CREB5: variants seen among roughly 807,000 people sequenced by gnomAD.
CREB5 encodes the protein cAMP responsive element binding protein 5, also known as cyclic AMP-responsive element-binding protein 5.
A neutral mutation model predicts 57.1 loss-of-function variants in CREB5; 19 were observed. The ratio of observed to expected loss-of-function variants is 0.33; its 90% CI spans 0.23 to 0.49. The LOEUF is 0.49. CREB5 is among the 20% of genes least tolerant of loss of function. The pLI is 0.99. For missense variants in CREB5, 579 were observed against 671.6 expected (o/e 0.86, Z 1.52); for synonymous variants, 238 against 238.3 (o/e 1.00, Z 0.01).
At chr7:28,734,156 GCACTTTAGTA>G (rs1803827854) in intron 7 of CREB5, among the ~76,000 whole-genome samples, 1 of 132,718 alleles carries the variant, frequency 7.5e-6, no homozygotes, top group African/African-American at 2.9e-5. Flanking sequence ...AAATGCTTTA[GCACTTTAGTA>G]CTGAAATCCC....
chr7:28,780,484 G>A (rs917352533), intron 7 of CREB5, among the ~76,000 whole-genome samples: 5 of 152,192 alleles, frequency 3.3e-5, no homozygotes, highest in Non-Finnish European at 7.3e-5. Context: ...CACTTCGGGA[G>A]ACTGAGGCAG....
intron 5 of CREB5, among the ~76,000 whole-genome samples, chr7:28,665,129 T>C (rs1799771438): frequency 6.6e-6 from 1 of 152,172 alleles, no homozygotes; most frequent in African/African-American, 2.4e-5. Context: ...ATCTCATTTC[T>C]CTATGGAAGC....
At chr7:28,491,077 G>T (rs1302728702) in intron 2 of CREB5, 1 of 401,348 alleles carries the variant, frequency 2.5e-6, no homozygotes, top group Non-Finnish European at 3.4e-6. Flanking sequence ...AACTGCAAGG[G>T]ATTAATGAGT....
At chr7:28,421,768 AC>A (rs1226522207) in intron 1 of CREB5, among the ~76,000 whole-genome samples, 1 of 16,368 alleles carries the variant, frequency 6.1e-5, no homozygotes, top group Admixed American at 7.1e-4. Context: ...ATACACACAC[AC>A]TATATATATA....
intron 5 of CREB5, among the ~76,000 whole-genome samples, chr7:28,599,780 G>A (rs1267865505): frequency 6.7e-6 from 1 of 149,494 alleles, no homozygotes; most frequent in African/African-American, 2.5e-5. Context: ...AGTTAGAACC[G>A]CATCCTCTCA....
At chr7:28,426,325 C>G (rs191104868) in intron 1 of CREB5, among the ~76,000 whole-genome samples, 3 of 152,172 alleles carry the variant, frequency 2.0e-5, no homozygotes, top group Non-Finnish European at 4.4e-5. Context: ...TTTGTCTGGT[C>G]GCTGAGCTCA....
intron 3 of CREB5, among the ~76,000 whole-genome samples, chr7:28,506,679 C>A (rs1458211122): frequency 1.3e-5 from 2 of 152,316 alleles, no homozygotes; most frequent in East Asian, 1.9e-4. Context: ...TGAGAAAAGA[C>A]CATTTACACA....
At chr7:28,302,720 C>A (rs939806225) in intron 1 of CREB5, among the ~76,000 whole-genome samples, 2 of 152,100 alleles carry the variant, frequency 1.3e-5, no homozygotes, top group African/African-American at 4.8e-5. Flanking sequence ...GGAGAGCCAG[C>A]CCTCTCTCCA....
intron 5 of CREB5, among the ~76,000 whole-genome samples, chr7:28,594,807 T>C (rs948774623): frequency 6.6e-6 from 1 of 152,170 alleles, no homozygotes; most frequent in Non-Finnish European, 1.5e-5. Flanking sequence ...CCTTCATACA[T>C]GTGAGGCCCA....
rs1805482675 is a variant in CREB5, at chr7:28,758,793, G to A, written c.702+34461G>A. Among the ~76,000 whole-genome samples, 4 of 152,332 alleles carry A rather than the reference G, an allele frequency of 2.6e-5. 1 individual carries two copies. In the South Asian group the frequency reaches 8.3e-4, roughly 32 times the overall value. On this transcript the variant is annotated intron_variant, in intron 7 of 10. Transcript: ENST00000357727. Reference sequence around the variant, plus strand: ...AGCACAAAGTCCCATGATGTATGGAGTCCTCTAGGAGAAATTGTCAGAGCT... The same window carrying A: ...AGCACAAAGTCCCATGATGTATGGAATCCTCTAGGAGAAATTGTCAGAGCT...
At chr7:28,541,758 G>T (rs1794219714) in intron 4 of CREB5, among the ~76,000 whole-genome samples, 1 of 152,312 alleles carries the variant, frequency 6.6e-6, no homozygotes, top group African/African-American at 2.4e-5. Flanking sequence ...AAGTTAAAAA[G>T]ATGTTGAAAA....
intron 5 of CREB5, among the ~76,000 whole-genome samples, chr7:28,674,505 A>T (rs1800225941): frequency 6.6e-6 from 1 of 152,128 alleles, no homozygotes; most frequent in South Asian, 2.1e-4. Flanking sequence ...CATTTCTGAG[A>T]TTTACACTGC....
At chr7:28,299,568 T>C (rs1785064761) in intron 1 of CREB5, 1 of 152,214 alleles carries the variant, frequency 6.6e-6, no homozygotes, top group Non-Finnish European at 1.5e-5. Context: ...GCTACCATAT[T>C]GTACAATACA....
intron 1 of CREB5, among the ~76,000 whole-genome samples, chr7:28,384,740 G>A (rs1787049665): frequency 6.6e-6 from 1 of 151,812 alleles, no homozygotes; most frequent in Non-Finnish European, 1.5e-5. Flanking sequence ...AAATAGAAAA[G>A]CAGAACATTA....
intron 1 of CREB5, among the ~76,000 whole-genome samples, chr7:28,401,451 A>G (rs1787461406): frequency 1.3e-5 from 2 of 151,972 alleles, no homozygotes; most frequent in Admixed American, 6.6e-5. Flanking sequence ...TCTAGGGTAC[A>G]GGTACGCAAC....
intron 1 of CREB5, among the ~76,000 whole-genome samples, chr7:28,332,400 G>T (rs563949080): frequency 1.3e-5 from 2 of 152,262 alleles, no homozygotes; most frequent in East Asian, 3.9e-4. Context: ...TCTCCAAAAG[G>T]CACAGCATCT....
At chr7:28,777,372 CA>C (rs2128781027) in intron 7 of CREB5, among the ~76,000 whole-genome samples, 1 of 152,304 alleles carries the variant, frequency 6.6e-6, no homozygotes, top group East Asian at 1.9e-4. Flanking sequence ...ACATTAGCCT[CA>C]ATTCGATATG....
chr7:28,738,329 G>A (rs932319837), intron 7 of CREB5, among the ~76,000 whole-genome samples: 1 of 152,106 alleles, frequency 6.6e-6, no homozygotes, highest in African/African-American at 2.4e-5. Flanking sequence ...CTTTGCAAGT[G>A]TACTTGGAAT....
chr7:28,654,305 G>A (rs1302434015), intron 5 of CREB5, among the ~76,000 whole-genome samples: 1 of 152,190 alleles, frequency 6.6e-6, no homozygotes, highest in Non-Finnish European at 1.5e-5. Context: ...CACTCGAACA[G>A]CTGGGCTCCT....
Sources: gnomAD v4.1 joint callset for allele counts (sites outside exome capture counted in the v4.1 genomes callset) on GRCh38, gnomAD v4.1.1 for gene constraint, MANE v1.5 for transcripts, NCBI Gene and HGNC (gene_info 2026-07-23, HGNC 2026-07-21) for gene names.